The following KIF13B variants were observed in gnomAD, a reference collection of about 807,000 sequenced individuals.
KIF13B encodes kinesin-like protein KIF13B.
A neutral mutation model predicts 222.0 loss-of-function variants in KIF13B; 127 were observed. The ratio of observed to expected loss-of-function variants is 0.57; its 90% CI spans 0.50 to 0.66. The LOEUF (loss-of-function observed/expected upper bound fraction) is 0.66, where lower values mean the gene tolerates loss of function less well. KIF13B is among the 30% of genes least tolerant of loss of function. KIF13B has a pLI of 0.00. For synonymous variants in KIF13B, 976 were observed against 919.0 expected, an observed-to-expected ratio of 1.06 and a Z score of -1.12; for missense variants, 2,173 against 2,379.0, an observed-to-expected ratio of 0.91 and a Z score of 1.80.
At chr8:29,093,007 G>A (rs1172920782) in intron 36 of KIF13B, 129 bp from the exon 37 acceptor site, 3 of 787,958 alleles carry the variant, frequency 3.8e-6, no homozygotes, top group Non-Finnish European at 5.9e-6. Context: ...AAAAATATTA[G>A]AGAAACACAG....
At position 29,116,942 on chromosome 8, in the gene KIF13B, G is replaced by A. The variant is rs747498107; in HGVS notation, c.3726C>T (p.Pro1242=). ...CGATCAGGAACAACCGCTCGTCCAC[G>A]GGCGTGCCCCTGCTGAGCTGAGGGC... is the stretch of plus-strand genomic sequence containing the variant. ...HGCPQLSRGT[P]VDERLFLIVR... is the part of the protein sequence containing the mutation. The change falls in exon 31 of 40, where the codon CCC becomes CCT. Residue 1242 remains proline, a synonymous_variant. Coordinates refer to ENST00000524189, the MANE Select transcript of KIF13B (RefSeq NM_015254.4). 2.5e-6 allele frequency: 4 copies of A among 1,612,294 alleles called. No individual in the cohort carries two copies. Among genetic ancestry groups the A allele is most frequent in the East Asian group, 2.2e-5 (1 of 44,828 alleles).
In KIF13B at chr8:29,222,515, CTTTTTTTTTTTTTTTTTTTT is replaced by C. The variant is rs58488862; in HGVS notation, c.149+22811_149+22830del. ...TCCTGAGCTCAAGTCCCACACCTGA[CTTTTTTTTTTTTTTTTTTTT>C]TTTTTTTTTTTTTTTTTTTTGTAGA... On this transcript the variant is annotated intron_variant, in intron 2 of 39. Coordinates refer to ENST00000524189, the MANE Select transcript of KIF13B (RefSeq NM_015254.4). Among the ~76,000 whole-genome samples, 296 of 60,554 alleles carry C rather than the reference CTTTTTTTTTTTTTTTTTTTT, an allele frequency of 4.9e-3. 1 individual carries two copies. Among genetic ancestry groups the C allele is most frequent in the South Asian group, 0.015 (27 of 1,742 alleles). The allele number at this position is 60,554 out of a possible 152,430, so 39.7% of individuals were successfully genotyped here.
chr8:29,105,959 A>T (rs931712812), intron 35 of KIF13B, among the ~76,000 whole-genome samples: 1 of 152,162 alleles, frequency 6.6e-6, no homozygotes, highest in Non-Finnish European at 1.5e-5. Context: ...TTTTCTTAAC[A>T]GAAGAAAAAC....
chr8:29,250,054 T>C, intron 1 of KIF13B: 1 of 1,288,924 alleles, frequency 7.8e-7, no homozygotes, highest in Non-Finnish European at 1.0e-6. Context: ...AATCTGACCA[T>C]ATTGTATCAG....
chr8:29,165,927 C>CGATTGTAGATCGAAGTACCTT (rs1811979727), intron 11 of KIF13B, among the ~76,000 whole-genome samples, 155 bp from the exon 12 acceptor site: 1 of 152,166 alleles, frequency 6.6e-6, no homozygotes, highest in African/African-American at 2.4e-5. Context: ...CGAAGTACCT[C>CGATTGTAGATCGAAGTACCTT]GATTGTCTGA....
intron 2 of KIF13B, among the ~76,000 whole-genome samples, chr8:29,213,793 A>AC (rs1188520689): frequency 2.0e-5 from 3 of 150,002 alleles, no homozygotes; most frequent in African/African-American, 5.0e-5. Flanking sequence ...TACTAAAAAT[A>AC]CAAAAAAAAA....
intron 1 of KIF13B, among the ~76,000 whole-genome samples, chr8:29,255,934 C>T (rs747741315): frequency 6.6e-6 from 1 of 152,038 alleles, no homozygotes; most frequent in African/African-American, 2.4e-5. Context: ...CCTCTGTGAC[C>T]GCCTCTGTCA....
intron 10 of KIF13B, among the ~76,000 whole-genome samples, chr8:29,174,139 G>A (rs1210712403): frequency 6.6e-6 from 1 of 152,024 alleles, no homozygotes; most frequent in Admixed American, 6.5e-5. Context: ...TATACTTTGA[G>A]CAAATTTTTT....
intron 16 of KIF13B, 67 bp from the exon 17 acceptor site, chr8:29,147,669 T>G: frequency 8.5e-7 from 1 of 1,175,240 alleles, no homozygotes; most frequent in Non-Finnish European, 1.2e-6. Context: ...AATGTTGTTC[T>G]ATATGGTAAT....
intron 2 of KIF13B, among the ~76,000 whole-genome samples, chr8:29,201,945 T>C (rs935534782): frequency 6.6e-6 from 1 of 152,188 alleles, no homozygotes; most frequent in African/African-American, 2.4e-5. Flanking sequence ...AACAGAAGCT[T>C]CTCAACATTT....
At chr8:29,203,311 C>A (rs1052887802) in intron 2 of KIF13B, among the ~76,000 whole-genome samples, 3 of 152,240 alleles carry the variant, frequency 2.0e-5, no homozygotes, top group Non-Finnish European at 2.9e-5. Flanking sequence ...GGCTTTCATA[C>A]ATGACTATTT....
chr8:29,204,287 T>C (rs1174916794), intron 2 of KIF13B, among the ~76,000 whole-genome samples: 1 of 152,242 alleles, frequency 6.6e-6, no homozygotes, highest in East Asian at 1.9e-4. Flanking sequence ...CAAACTGTCA[T>C]ATACTGGGAT....
intron 10 of KIF13B, among the ~76,000 whole-genome samples, chr8:29,169,970 A>G (rs1198566080): frequency 1.3e-5 from 2 of 152,224 alleles, no homozygotes; most frequent in African/African-American, 4.8e-5. Flanking sequence ...ATTGTGCTCC[A>G]ATTTATGCTG....
At chr8:29,099,948 C>A (rs529104077) in intron 35 of KIF13B, among the ~76,000 whole-genome samples, 2 of 152,194 alleles carry the variant, frequency 1.3e-5, no homozygotes, top group African/African-American at 4.8e-5. Context: ...CAGAAACCCA[C>A]GAACAACTCT....
chr8:29,235,294 C>T (rs1226864524), intron 2 of KIF13B, among the ~76,000 whole-genome samples: 1 of 152,134 alleles, frequency 6.6e-6, no homozygotes, highest in Admixed American at 6.5e-5. Flanking sequence ...ATGCAAATGT[C>T]GTCCATCTGC....
At chr8:29,216,152 G>A (rs1048847806) in intron 2 of KIF13B, among the ~76,000 whole-genome samples, 7 of 152,046 alleles carry the variant, frequency 4.6e-5, no homozygotes, top group Admixed American at 2.6e-4. Flanking sequence ...ACTGCTAAAC[G>A]TCAAATACCT....
At chr8:29,187,567 T>C (rs1230615085) in intron 5 of KIF13B, among the ~76,000 whole-genome samples, 1 of 152,044 alleles carries the variant, frequency 6.6e-6, no homozygotes. Flanking sequence ...AAGAAATATA[T>C]ATTAAATAAA....
intron 1 of KIF13B, among the ~76,000 whole-genome samples, chr8:29,255,810 G>T (rs148252771): frequency 6.6e-6 from 1 of 151,990 alleles, no homozygotes; most frequent in Admixed American, 6.6e-5. Context: ...TTAATCACGC[G>T]GCCATTCCTG....
At chr8:29,188,399 T>A (rs879552944) in intron 5 of KIF13B, 116 bp downstream of exon 5, 4 of 613,982 alleles carry the variant, frequency 6.5e-6, no homozygotes, top group Admixed American at 3.2e-5. Context: ...TCTACAGTAC[T>A]TTCTGAAAGC....
Sources: gnomAD v4.1 joint callset for allele counts (sites outside exome capture counted in the v4.1 genomes callset) on GRCh38, gnomAD v4.1.1 for gene constraint, MANE v1.5 for transcripts, NCBI Gene and HGNC (gene_info 2026-07-23, HGNC 2026-07-21) for gene names.